CHRM3: variants seen among roughly 807,000 people sequenced by gnomAD.
The protein encoded by CHRM3 is cholinergic receptor muscarinic 3, also known as muscarinic acetylcholine receptor M3.
A neutral mutation model predicts 41.8 loss-of-function variants in CHRM3; 11 were observed. The ratio of observed to expected loss-of-function variants is 0.26; its 90% CI spans 0.17 to 0.44. The LOEUF is 0.44. Ranked by LOEUF, CHRM3 falls within the 20% of genes least tolerant of loss-of-function variation. CHRM3 has a pLI of 1.00. For missense variants in CHRM3, 571 were observed against 745.4 expected, an observed-to-expected ratio of 0.77 and a Z score of 2.72; for synonymous variants, 297 against 301.4, an observed-to-expected ratio of 0.99 and a Z score of 0.15.
chr1:239,859,784 G>A (rs1483628865), intron 6 of CHRM3, among the ~76,000 whole-genome samples: 4 of 140,384 alleles, frequency 2.8e-5, no homozygotes, highest in South Asian at 2.2e-4. Flanking sequence ...CGTATATCAG[G>A]CATTGTTCTA....
At chr1:239,402,694 T>C (rs530072710) in intron 1 of CHRM3, among the ~76,000 whole-genome samples, 7 of 152,332 alleles carry the variant, frequency 4.6e-5, no homozygotes, top group Admixed American at 2.6e-4. Flanking sequence ...CAGGAAAATA[T>C]GGTCGTCCCT....
At chr1:239,612,477 C>T (rs1391281078) in intron 3 of CHRM3, among the ~76,000 whole-genome samples, 1 of 152,148 alleles carries the variant, frequency 6.6e-6, no homozygotes, top group African/African-American at 2.4e-5. Context: ...CTGTGAATTG[C>T]ATGCCCTCCT....
chr1:239,479,080 A>G (rs1558253214), intron 1 of CHRM3, among the ~76,000 whole-genome samples: 1 of 152,002 alleles, frequency 6.6e-6, no homozygotes, highest in African/African-American at 2.4e-5. Flanking sequence ...GCTACTTGGG[A>G]GGCTTTTGCA....
chr1:239,447,114 A>T (rs1384147002), intron 1 of CHRM3, among the ~76,000 whole-genome samples: 1 of 152,208 alleles, frequency 6.6e-6, no homozygotes, highest in Non-Finnish European at 1.5e-5. Context: ...TGTACGTGCA[A>T]TCAATTTCAT....
rs1558230627 is a variant in CHRM3 at position 239,907,709 on chromosome 1, C to T, written c.258C>T (p.Asn86=). 14 of 1,614,224 alleles carry T rather than the reference C, an allele frequency of 8.7e-6. No homozygotes were observed. Among genetic ancestry groups the T allele is most frequent in the South Asian group, 2.2e-5 (2 of 91,090 alleles). ...TGGCCTTGGTGACCATCATCGGCAA[C>T]ATCCTGGTAATTGTGTCATTTAAGG... ...GILALVTIIG[N]ILVIVSFKVN... is the part of the protein sequence containing the mutation. The change falls in exon 7 of 7, where the codon AAC becomes AAT. Residue 86 remains asparagine, a synonymous_variant. Transcript: ENST00000676153. This position sits in a 1 kb window ranked among gnomAD's most constrained non-coding sequence, Gnocchi z 5.4.
intron 5 of CHRM3, among the ~76,000 whole-genome samples, chr1:239,766,538 A>G (rs1453306576): frequency 6.6e-6 from 1 of 152,154 alleles, no homozygotes; most frequent in Admixed American, 6.5e-5. Context: ...AAAGCCCCCC[A>G]AAAAGGAATA....
intron 1 of CHRM3, among the ~76,000 whole-genome samples, chr1:239,450,283 T>C (rs1664468699): frequency 6.6e-6 from 1 of 152,222 alleles, no homozygotes; most frequent in Non-Finnish European, 1.5e-5. Context: ...TCGTAACTGC[T>C]TGAATCAGGG....
chr1:239,561,948 A>G (rs1050348680), intron 3 of CHRM3, among the ~76,000 whole-genome samples: 9 of 152,194 alleles, frequency 5.9e-5, no homozygotes, highest in African/African-American at 2.2e-4. Context: ...TACCATCTCC[A>G]TCCTTCCAAG....
intron 3 of CHRM3, among the ~76,000 whole-genome samples, chr1:239,584,332 G>A (rs540848346): frequency 1.3e-5 from 2 of 152,068 alleles, no homozygotes; most frequent in African/African-American, 4.8e-5. Flanking sequence ...TCGAACACCT[G>A]ATCTCAAGTG....
chr1:239,491,765 G>A lies in CHRM3; in HGVS notation c.-520-944G>A, dbSNP rs566108263. Among the ~76,000 whole-genome samples, 46 of 152,272 alleles carry A rather than the reference G, an allele frequency of 3.0e-4. No homozygotes were observed. The South Asian group carries it at 9.5e-3, about 32-fold the overall frequency. On this transcript the variant is annotated intron_variant, in intron 1 of 6. Coordinates refer to ENST00000676153, the MANE Select transcript of CHRM3 (RefSeq NM_001375978.1). ...AGTTTTTTTGAGAAAACTCCATGCT[G>A]TTTTTTGCAGTGGCTGTAATAATTT...
intron 3 of CHRM3, among the ~76,000 whole-genome samples, chr1:239,615,657 A>T (rs1355296666): frequency 6.6e-6 from 1 of 152,214 alleles, no homozygotes; most frequent in Non-Finnish European, 1.5e-5. Flanking sequence ...TACTACATCA[A>T]TAATCCAGTG....
intron 1 of CHRM3, among the ~76,000 whole-genome samples, chr1:239,464,620 A>T (rs1404124748): frequency 6.6e-6 from 1 of 152,164 alleles, no homozygotes; most frequent in Non-Finnish European, 1.5e-5. Context: ...TCTTCCCATG[A>T]AGAGGTGATG....
intron 6 of CHRM3, among the ~76,000 whole-genome samples, chr1:239,863,833 T>A: frequency 6.6e-6 from 1 of 152,106 alleles, no homozygotes; most frequent in East Asian, 1.9e-4. Flanking sequence ...ACTACCAAAC[T>A]CTTTGGTTTT....
chr1:239,908,617 T>G lies in CHRM3; in HGVS notation c.1166T>G (p.Leu389Arg). 6.2e-7 allele frequency: 1 copy of G among 1,608,434 alleles called. No individual in the cohort carries two copies. Residue 389 changes from leucine to arginine, a missense_variant, in exon 7 of 7, where the codon CTG (leucine) becomes CGG (arginine). This residue lies in a region of CHRM3 where 239 missense variants were observed against 239.6 expected (regional missense o/e 1.00). Coordinates refer to ENST00000676153, the MANE Select transcript of CHRM3 (RefSeq NM_001375978.1). This position sits in a 1 kb window ranked among gnomAD's most constrained non-coding sequence, Gnocchi z 7.2. The part of the protein sequence containing the change: ...NSTKLPSSDN[L>R]QVPEEELGMV... ...ACCAAGTTACCCTCATCGGACAACC[T>G]GCAGGTGCCTGAGGAGGAGCTGGGG...
Position 239,908,773 on chromosome 1 carries a change from C to T in CHRM3, c.1322C>T (p.Ser441Phe), listed in dbSNP as rs774998249. The T allele has an allele frequency of 5.6e-6, 9 of 1,614,134 alleles. No individual in the cohort carries two copies. The South Asian group carries it at 9.9e-5, about 18-fold the overall frequency. ...TCAGCCGTGGACACAGCTAAGACTT[C>T]TGACGTCAACTCCTCAGTGGGTAAG... is the stretch of plus-strand genomic sequence containing the variant. ...LESAVDTAKT[S>F]DVNSSVGKST... The change falls in exon 7 of 7, where the codon TCT becomes TTT. Residue 441 changes from serine (S) to phenylalanine (F), a missense_variant. Physicochemically the swap from Ser to Phe is radical, Grantham distance 155 (BLOSUM62 -2). Around this residue, in one of 5 missense-constraint regions of CHRM3, gnomAD observed 239 missense variants for 239.6 expected, o/e 1.00. Coordinates refer to ENST00000676153, the MANE Select transcript of CHRM3 (RefSeq NM_001375978.1). This position sits in a 1 kb window ranked among gnomAD's most constrained non-coding sequence, Gnocchi z 7.2.
Position 239,387,990 on chromosome 1 carries a change from G to A in CHRM3, c.-521+763G>A, listed in dbSNP as rs1167289325. 6.6e-6 allele frequency among the ~76,000 whole-genome samples: 1 copy of A among 152,072 alleles called. No individual in the cohort carries two copies. The highest frequency in any genetic ancestry group is 1.5e-5 in the Non-Finnish European group (1 of 68,018). On this transcript the variant is annotated intron_variant, in intron 1 of 6. Coordinates refer to ENST00000676153, the MANE Select transcript of CHRM3 (RefSeq NM_001375978.1). This position sits in a 1 kb window ranked among gnomAD's most constrained non-coding sequence, Gnocchi z 5.1. ...GTGTTTTTAAACGGCGGGGGCGGGC[G>A]GACAGTTGACTCCAGCAGCAGAATT...
chr1:239,576,479 A>C (rs1052682764), intron 3 of CHRM3, among the ~76,000 whole-genome samples: 10 of 152,102 alleles, frequency 6.6e-5, no homozygotes, highest in African/African-American at 2.2e-4. Flanking sequence ...ACGGTGGCTC[A>C]TGCCTATAAT....
chr1:239,744,470 T>C (rs1299288831), intron 5 of CHRM3, among the ~76,000 whole-genome samples: 4 of 151,598 alleles, frequency 2.6e-5, no homozygotes, highest in South Asian at 2.1e-4. Context: ...CCTGGAGAAG[T>C]TGAGGGAGCG....
chr1:239,618,841 CAGAA>C (rs1668022355), intron 3 of CHRM3, among the ~76,000 whole-genome samples: 1 of 79,924 alleles, frequency 1.3e-5, no homozygotes, highest in Non-Finnish European at 2.4e-5. Flanking sequence ...GAGACTCTGT[CAGAA>C]AAAAAAAAAA....
Sources: gnomAD v4.1 joint callset for allele counts (sites outside exome capture counted in the v4.1 genomes callset) on GRCh38, gnomAD v4.1.1 for gene constraint, gnomAD v4.1.1 regional missense constraint, Gnocchi (gnomAD v3.1) non-coding constraint, MANE v1.5 for transcripts, NCBI Gene and HGNC (gene_info 2026-07-23, HGNC 2026-07-21) for gene names.